ABI3BP: variants seen among roughly 807,000 people sequenced by gnomAD.
ABI3BP encodes ABI family member 3 binding protein.
A neutral mutation model predicts 268.6 loss-of-function variants in ABI3BP; 216 were observed. The ratio of observed to expected loss-of-function variants is 0.80; its 90% CI spans 0.72 to 0.90. ABI3BP has a LOEUF of 0.90. Ranked by LOEUF, ABI3BP falls within the 40% of genes least tolerant of loss-of-function variation. The probability of loss-of-function intolerance (pLI) is 0.00; values close to 1 mark genes in which losing one functional copy is unlikely to be tolerated. For synonymous variants in ABI3BP, 730 were observed against 730.0 expected, an observed-to-expected ratio of 1.00 and a Z score of 0.00; for missense variants, 2,090 against 2,182.4, an observed-to-expected ratio of 0.96 and a Z score of 0.84.
intron 4 of ABI3BP, among the ~76,000 whole-genome samples, chr3:100,897,292 G>A (rs2245473): frequency 0.85 from 129,472 of 152,116 alleles, 55,218 homozygotes; most frequent in East Asian, 1. Context: ...TCAAATATAC[G>A]TAATATACAT....
intron 29 of ABI3BP, 27 bp from the exon 30 acceptor site, chr3:100,833,184 T>C (rs1256983174): frequency 6.5e-7 from 1 of 1,526,818 alleles, no homozygotes; most frequent in African/African-American, 1.4e-5. Flanking sequence ...TCAAAAGCAA[T>C]TTTAAAAAGA....
intron 4 of ABI3BP, among the ~76,000 whole-genome samples, chr3:100,895,531 AAACC>A (rs1358197195): frequency 3.3e-5 from 5 of 152,246 alleles, no homozygotes; most frequent in African/African-American, 1.2e-4. Flanking sequence ...GAGGCTACAC[AAACC>A]AATGTAAATC....
Position 100,795,387 on chromosome 3 carries a change from G to C in ABI3BP, c.3866-384C>G, listed in dbSNP as rs936002366. 6.6e-5 allele frequency among the ~76,000 whole-genome samples: 10 copies of C among 152,134 alleles called. 1 individual carries two copies. The highest frequency in any genetic ancestry group is 2.4e-4 in the African/African-American group (10 of 41,530). On this transcript the variant is annotated intron_variant, in intron 53 of 67. Coordinates refer to ENST00000471714, the MANE Select transcript of ABI3BP (RefSeq NM_001375547.2). ...GTATCATCTCCTTGAGTCTGCTTGA[G>C]TAGACTCAAGTAACAAATCACTGGG...
chr3:100,843,540 TGTGAGAGAGA>T, intron 20 of ABI3BP: 1 of 812,622 alleles, frequency 1.2e-6, no homozygotes, highest in Non-Finnish European at 1.5e-6. Flanking sequence ...TGTGTGTGTG[TGTGAGAGAGA>T]GAGAGAGAGA....
chr3:100,988,755 C>T (rs944853592), intron 1 of ABI3BP, among the ~76,000 whole-genome samples: 2 of 152,178 alleles, frequency 1.3e-5, no homozygotes, highest in African/African-American at 4.8e-5. Flanking sequence ...AGCTTTGTCT[C>T]CCCAGCCTCA....
chr3:100,950,853 T>A (rs375207162), intron 1 of ABI3BP, among the ~76,000 whole-genome samples: 7 of 151,894 alleles, frequency 4.6e-5, no homozygotes, highest in South Asian at 2.1e-4. Flanking sequence ...AGGCATCTCA[T>A]ACTAGTCATT....
At chr3:100,835,556 A>G in intron 28 of ABI3BP, 45 bp downstream of exon 28, 6 of 1,422,874 alleles carry the variant, frequency 4.2e-6, no homozygotes, top group Non-Finnish European at 5.7e-6. Flanking sequence ...TAGACTAGAC[A>G]ATGAGCAGAA....
chr3:100,846,107 G>T (rs962512672), intron 20 of ABI3BP, among the ~76,000 whole-genome samples: 3 of 152,268 alleles, frequency 2.0e-5, no homozygotes, highest in South Asian at 4.1e-4. Flanking sequence ...AAACTATTTT[G>T]CAGTAGTAGA....
At chr3:100,787,414 C>A (rs1353607820) in intron 57 of ABI3BP, among the ~76,000 whole-genome samples, 2 of 151,994 alleles carry the variant, frequency 1.3e-5, no homozygotes, top group African/African-American at 2.4e-5. Context: ...GTAGAAAAAG[C>A]ATTTTGAAAT....
intron 58 of ABI3BP, among the ~76,000 whole-genome samples, chr3:100,779,364 A>C (rs2096799815): frequency 6.6e-6 from 1 of 152,194 alleles, no homozygotes; most frequent in South Asian, 2.1e-4. Flanking sequence ...AGACAAGAGG[A>C]AGGGCTTTGT....
intron 62 of ABI3BP, among the ~76,000 whole-genome samples, chr3:100,768,722 G>A (rs2096427562): frequency 6.6e-6 from 1 of 152,080 alleles, no homozygotes; most frequent in African/African-American, 2.4e-5. Flanking sequence ...TTACACCTAA[G>A]GAAACTAAGG....
At chr3:100,988,678 T>A (rs1001733482) in intron 1 of ABI3BP, among the ~76,000 whole-genome samples, 3 of 152,174 alleles carry the variant, frequency 2.0e-5, no homozygotes, top group Admixed American at 1.3e-4. Flanking sequence ...TCTATTGTAA[T>A]TATCCCTTTC....
chr3:100,864,074 G>T lies in ABI3BP; in HGVS notation c.1066C>A (p.Leu356Ile). ...ALDVSETTLV[L>I]SKRTPETLQT... ...AATGTTTCCGGGGTCCTTTTGCTGA[G>T]AACTACAATAAAAAAGAGTGCAGTT... The change falls in exon 12 of 68, where the codon CTC (leucine) becomes ATC (isoleucine). Residue 356 changes from leucine (L) to isoleucine (I), a missense_variant and splice_region_variant. Physicochemically the swap from Leu to Ile is conservative, Grantham distance 5. Coordinates refer to ENST00000471714, the MANE Select transcript of ABI3BP (RefSeq NM_001375547.2). 3.3e-6 allele frequency: 5 copies of T among 1,535,098 alleles called. No individual in the cohort carries two copies. Among genetic ancestry groups the T allele is most frequent in the Non-Finnish European group, 4.4e-6 (5 of 1,145,878 alleles).
chr3:100,835,591 A>T lies in ABI3BP; in HGVS notation c.2191+10T>A. 6.5e-7 allele frequency: 1 copy of T among 1,529,962 alleles called. No homozygotes were observed. The highest frequency in any genetic ancestry group is 1.2e-5 in the South Asian group (1 of 83,732). The allele number at this position is 1,529,962 out of a possible 1,614,324, so 94.8% of individuals were successfully genotyped here. ...AAAAACTCATACTTAAAGACATAAG[A>T]GGTCATTACCTAATGTTGTCACTGT... On this transcript the variant is annotated intron_variant, in intron 28 of 67. Transcript: ENST00000471714.
chr3:100,794,921 A>G lies in ABI3BP; in HGVS notation c.3946+2T>C, dbSNP rs1577974091. 1.3e-6 allele frequency: 2 copies of G among 1,559,318 alleles called. No homozygotes were observed. Among genetic ancestry groups the G allele is most frequent in the East Asian group, 2.4e-5 (1 of 42,152 alleles). ...TTGAACAAATATTAAAACGAAATTT[A>G]CCCAGAGTGGTCTGTAGTTCCTCTT... On this transcript the variant is annotated splice_donor_variant, in intron 54 of 67. Transcript: ENST00000471714. LOFTEE classifies it high-confidence loss of function.
At chr3:100,887,704 T>G (rs562755311) in intron 4 of ABI3BP, among the ~76,000 whole-genome samples, 13 of 152,170 alleles carry the variant, frequency 8.5e-5, no homozygotes, top group Admixed American at 7.2e-4. Flanking sequence ...CAAAATTAAA[T>G]GGAGTAAGAT....
intron 29 of ABI3BP, 76 bp from the exon 30 acceptor site, chr3:100,833,233 T>A: frequency 2.2e-6 from 3 of 1,372,966 alleles, no homozygotes; most frequent in Non-Finnish European, 3.0e-6. Context: ...ATCATTCTCT[T>A]GAAAAGTGAA....
chr3:100,838,825 G>A (rs1046792394), intron 24 of ABI3BP, among the ~76,000 whole-genome samples: 6 of 152,146 alleles, frequency 3.9e-5, no homozygotes, highest in African/African-American at 1.4e-4. Flanking sequence ...TGATTGCTTA[G>A]GAGGCGATCT....
chr3:100,797,446 C>T (rs185233896), intron 51 of ABI3BP, among the ~76,000 whole-genome samples: 41 of 152,028 alleles, frequency 2.7e-4, no homozygotes, highest in East Asian at 7.7e-4. Context: ...CTAAACCTTT[C>T]ATACACACCA....
Sources: gnomAD v4.1 joint callset for allele counts (sites outside exome capture counted in the v4.1 genomes callset) on GRCh38, gnomAD v4.1.1 for gene constraint, MANE v1.5 for transcripts, NCBI Gene and HGNC (gene_info 2026-07-23, HGNC 2026-07-21) for gene names.